ANKS1B: variants seen among roughly 807,000 people sequenced by gnomAD.
The protein encoded by ANKS1B is ankyrin repeat and sterile alpha motif domain-containing protein 1B.
ANKS1B carries 36 observed loss-of-function variants against 148.3 expected under a neutral mutation model. The ratio of observed to expected loss-of-function variants is 0.24; its 90% CI spans 0.19 to 0.32. The LOEUF is 0.32. Ranked by LOEUF, ANKS1B falls within the 10% of genes least tolerant of loss-of-function variation. ANKS1B has a pLI of 1.00. For synonymous variants in ANKS1B, 542 were observed against 560.8 expected (o/e 0.97, Z 0.47); for missense variants, 1,157 against 1,542.6 (o/e 0.75, Z 4.19).
chr12:98,862,885 T>G (rs1157155864), intron 17 of ANKS1B, among the ~76,000 whole-genome samples: 1 of 152,192 alleles, frequency 6.6e-6, no homozygotes, highest in Non-Finnish European at 1.5e-5. Context: ...GGGATATTTT[T>G]CCAAAGAATG....
At chr12:99,113,071 A>G (rs960967759) in intron 15 of ANKS1B, among the ~76,000 whole-genome samples, 3 of 152,218 alleles carry the variant, frequency 2.0e-5, no homozygotes, top group African/African-American at 4.8e-5. Context: ...GCTCTTTAAA[A>G]TGTATCTTGA....
chr12:99,858,424 T>TG (rs1402335252), intron 1 of ANKS1B, among the ~76,000 whole-genome samples: 1 of 152,052 alleles, frequency 6.6e-6, no homozygotes, highest in African/African-American at 2.4e-5. Flanking sequence ...ACACTGTTGG[T>TG]GGGAATGTAA....
intron 17 of ANKS1B, among the ~76,000 whole-genome samples, chr12:98,953,537 G>GTGTTTTTTTTTTTTTTTTTTT: frequency 1.7e-5 from 1 of 57,454 alleles, no homozygotes; most frequent in African/African-American, 7.4e-5. Flanking sequence ...ATCTAGAGTG[G>GTGTTTTTTTTTTTTTTTTTTT]TTTTTTTTTT....
At chr12:99,469,402 G>T (rs1162557319) in intron 10 of ANKS1B, among the ~76,000 whole-genome samples, 10 of 151,794 alleles carry the variant, frequency 6.6e-5, no homozygotes, top group Non-Finnish European at 1.5e-4. Flanking sequence ...TAACTAATCT[G>T]CACATTGTGC....
chr12:99,551,781 T>C (rs973898943), intron 9 of ANKS1B, among the ~76,000 whole-genome samples: 1 of 152,088 alleles, frequency 6.6e-6, no homozygotes, highest in African/African-American at 2.4e-5. Flanking sequence ...CTACTAGGTG[T>C]CACTATATCC....
chr12:99,397,770 T>C (rs2094293449), intron 12 of ANKS1B, among the ~76,000 whole-genome samples: 1 of 152,192 alleles, frequency 6.6e-6, no homozygotes, highest in East Asian at 1.9e-4. Context: ...TAGTGTCATT[T>C]AAGTATTTAT....
intron 1 of ANKS1B, among the ~76,000 whole-genome samples, chr12:99,862,055 T>C (rs1008989130): frequency 1.3e-5 from 2 of 152,192 alleles, no homozygotes; most frequent in African/African-American, 4.8e-5. Flanking sequence ...CATTCTTCAT[T>C]GTAATAGCTC....
intron 15 of ANKS1B, among the ~76,000 whole-genome samples, chr12:99,088,554 TA>T (rs763983290): frequency 1.3e-5 from 2 of 151,980 alleles, no homozygotes; most frequent in South Asian, 2.1e-4. Flanking sequence ...CAAGAATATA[TA>T]TTTTTTTTTG....
At chr12:99,623,490 AC>A (rs2098079129) in intron 9 of ANKS1B, among the ~76,000 whole-genome samples, 1 of 152,010 alleles carries the variant, frequency 6.6e-6, no homozygotes, top group Non-Finnish European at 1.5e-5. Context: ...ATGATCCTAT[AC>A]CTAGAATACC....
At chr12:98,812,786 C>T (rs1197904233) in intron 19 of ANKS1B, among the ~76,000 whole-genome samples, 2 of 152,150 alleles carry the variant, frequency 1.3e-5, no homozygotes, top group East Asian at 3.8e-4. Context: ...GTTGCCCAGG[C>T]TGGTGGTCTC....
In ANKS1B at chr12:99,929,974, A is replaced by G. The variant is rs951815292; in HGVS notation, c.134+54130T>C. On this transcript the variant is annotated intron_variant, in intron 1 of 26. Transcript: ENST00000683438. Reference sequence around the variant, plus strand: ...TCTTTTGGCTTAGGATTGACTTGGCAATGCAGGCTCTTTTTTGGTTCCACA... The same window carrying G: ...TCTTTTGGCTTAGGATTGACTTGGCGATGCAGGCTCTTTTTTGGTTCCACA... 5.3e-5 allele frequency among the ~76,000 whole-genome samples: 8 copies of G among 152,266 alleles called. 1 individual carries two copies. The highest frequency in any genetic ancestry group is 3.9e-4 in the Admixed American group (6 of 15,284).
chr12:99,487,322 A>T (rs1292456689), intron 10 of ANKS1B, among the ~76,000 whole-genome samples: 1 of 152,184 alleles, frequency 6.6e-6, no homozygotes, highest in Non-Finnish European at 1.5e-5. Context: ...CCACTTAATT[A>T]TCTTTAAAGT....
chr12:99,744,466 C>T (rs1404656902), intron 8 of ANKS1B, among the ~76,000 whole-genome samples: 1 of 152,176 alleles, frequency 6.6e-6, no homozygotes, highest in Non-Finnish European at 1.5e-5. Flanking sequence ...CCTTAAGTCC[C>T]TATGTCCACC....
intron 15 of ANKS1B, among the ~76,000 whole-genome samples, chr12:99,119,920 A>C (rs373248902): frequency 1.3e-5 from 2 of 152,262 alleles, no homozygotes; most frequent in East Asian, 3.8e-4. Flanking sequence ...AGTAATCACC[A>C]AACTTCTAAA....
intron 14 of ANKS1B, among the ~76,000 whole-genome samples, chr12:99,187,128 A>T (rs1273611941): frequency 6.6e-6 from 1 of 151,984 alleles, no homozygotes; most frequent in Non-Finnish European, 1.5e-5. Flanking sequence ...CATGAAGACA[A>T]GATTAGAGAA....
intron 13 of ANKS1B, 120 bp downstream of exon 13, chr12:99,246,155 G>T: frequency 2.8e-6 from 2 of 715,514 alleles, no homozygotes; most frequent in Non-Finnish European, 4.4e-6. Flanking sequence ...CATTCCAGTT[G>T]GAGCCGTATG....
chr12:99,642,771 G>A (rs1325775912), intron 9 of ANKS1B, among the ~76,000 whole-genome samples: 1 of 151,980 alleles, frequency 6.6e-6, no homozygotes, highest in Non-Finnish European at 1.5e-5. Context: ...GAGCCAGGAT[G>A]GCAACAGAGC....
At chr12:99,216,766 AC>A (rs1295907717) in intron 14 of ANKS1B, among the ~76,000 whole-genome samples, 2 of 152,210 alleles carry the variant, frequency 1.3e-5, no homozygotes, top group Non-Finnish European at 2.9e-5. Flanking sequence ...GGATTTCATA[AC>A]TGAATTTTCA....
At chr12:99,739,772 T>C (rs561558000) in intron 8 of ANKS1B, among the ~76,000 whole-genome samples, 4 of 152,314 alleles carry the variant, frequency 2.6e-5, no homozygotes, top group South Asian at 4.1e-4. Context: ...AGATAGTTGA[T>C]GGCTAACTGT....
Sources: allele counts gnomAD v4.1 joint callset (sites outside exome capture counted in the v4.1 genomes callset), GRCh38; gene constraint gnomAD v4.1.1; transcripts MANE v1.5; gene names NCBI Gene and HGNC (gene_info 2026-07-23, HGNC 2026-07-21).